Variants in KCNQ5 observed in about 807,000 individuals in gnomAD.
The protein encoded by KCNQ5 is potassium voltage-gated channel subfamily KQT member 5.
Under a neutral mutation model 98.2 loss-of-function variants are expected in KCNQ5, and 30 were observed. The observed-to-expected ratio is 0.31, with a 90% CI of 0.23 to 0.41. KCNQ5 has a LOEUF of 0.41. Ranked by LOEUF, KCNQ5 falls within the 10% of genes least tolerant of loss-of-function variation. The pLI, the probability that KCNQ5 is intolerant of heterozygous loss-of-function variation, is 1.00. For missense variants in KCNQ5, 835 were observed against 1,182.5 expected, an observed-to-expected ratio of 0.71 and a Z score of 4.31; for synonymous variants, 458 against 449.4, an observed-to-expected ratio of 1.02 and a Z score of -0.24.
At chr6:72,653,114 G>T (rs1268943395) in intron 1 of KCNQ5, among the ~76,000 whole-genome samples, 5 of 151,814 alleles carry the variant, frequency 3.3e-5, no homozygotes, top group Non-Finnish European at 7.4e-5. Flanking sequence ...TTAAAAAAGA[G>T]ACCTCTCCCT....
intron 2 of KCNQ5, among the ~76,000 whole-genome samples, chr6:73,011,730 G>A (rs1405927985): frequency 6.6e-6 from 1 of 151,882 alleles, no homozygotes; most frequent in African/African-American, 2.4e-5. Flanking sequence ...ACCTGAGAAG[G>A]GGTTAATATC....
At chr6:73,072,115 A>T (rs1263387232) in intron 3 of KCNQ5, among the ~76,000 whole-genome samples, 1 of 152,176 alleles carries the variant, frequency 6.6e-6, no homozygotes, top group African/African-American at 2.4e-5. Context: ...AAGTGAGTTT[A>T]AAGGGAAAGA....
At chr6:72,777,507 A>G (rs1277912239) in intron 1 of KCNQ5, among the ~76,000 whole-genome samples, 1 of 152,176 alleles carries the variant, frequency 6.6e-6, no homozygotes, top group African/African-American at 2.4e-5. Flanking sequence ...AATCACAAGA[A>G]GCACACATTA....
At chr6:72,754,404 A>G (rs1261629580) in intron 1 of KCNQ5, among the ~76,000 whole-genome samples, 3 of 152,084 alleles carry the variant, frequency 2.0e-5, no homozygotes, top group Non-Finnish European at 2.9e-5. Flanking sequence ...TTGATTTACT[A>G]AAGTTTTGTT....
intron 1 of KCNQ5, among the ~76,000 whole-genome samples, chr6:72,804,486 G>T (rs1774850291): frequency 6.6e-6 from 1 of 151,972 alleles, no homozygotes; most frequent in Non-Finnish European, 1.5e-5. Context: ...CATCTATGTT[G>T]TTGCAAATGA....
chr6:73,142,341 A>G (rs1776755878), intron 10 of KCNQ5, among the ~76,000 whole-genome samples: 1 of 152,106 alleles, frequency 6.6e-6, no homozygotes, highest in Admixed American at 6.5e-5. Flanking sequence ...TGTCTTTTAA[A>G]TTGCAGATTT....
At chr6:72,737,620 A>G (rs1239741707) in intron 1 of KCNQ5, among the ~76,000 whole-genome samples, 2 of 152,240 alleles carry the variant, frequency 1.3e-5, no homozygotes, top group Non-Finnish European at 1.5e-5. Flanking sequence ...TTTAGTGGAT[A>G]GAGAACTACA....
At chr6:73,142,009 A>G (rs1482238990) in intron 10 of KCNQ5, among the ~76,000 whole-genome samples, 1 of 152,168 alleles carries the variant, frequency 6.6e-6, no homozygotes, top group East Asian at 1.9e-4. Flanking sequence ...GAGAGGACCC[A>G]TTACCAAGCT....
At chr6:73,136,952 A>G (rs1018091247) in intron 10 of KCNQ5, among the ~76,000 whole-genome samples, 44 of 152,282 alleles carry the variant, frequency 2.9e-4, no homozygotes, top group Non-Finnish European at 3.4e-4. Context: ...CTCTCCTCAC[A>G]TATTTTCAGC....
At chr6:72,766,725 G>C (rs1772591262) in intron 1 of KCNQ5, among the ~76,000 whole-genome samples, 1 of 151,952 alleles carries the variant, frequency 6.6e-6, no homozygotes, top group Non-Finnish European at 1.5e-5. Context: ...ATTTGCTGGA[G>C]ATGAGAGGGA....
rs1451895527 is a variant in KCNQ5 at position 72,658,264 on chromosome 6, G to T, written c.398+35677G>T. Among the ~76,000 whole-genome samples, 5 of 151,898 alleles carry T rather than the reference G, an allele frequency of 3.3e-5. No individual in the cohort carries two copies. In the East Asian group the frequency reaches 7.7e-4, roughly 23 times the overall value. On this transcript the variant is annotated intron_variant, in intron 1 of 13. Coordinates refer to ENST00000370398, the MANE Select transcript of KCNQ5 (RefSeq NM_019842.4). ...TACTTCATTTTTGGTGATGTGTAAA[G>T]AATTTAATTTTATTTATTTTTTATT...
intron 3 of KCNQ5, among the ~76,000 whole-genome samples, chr6:73,045,261 T>C (rs1455756435): frequency 6.6e-6 from 1 of 152,220 alleles, no homozygotes; most frequent in Non-Finnish European, 1.5e-5. Context: ...TAAACAATTA[T>C]AACATAAGGG....
At chr6:72,767,103 T>A (rs1463375649) in intron 1 of KCNQ5, among the ~76,000 whole-genome samples, 1 of 151,980 alleles carries the variant, frequency 6.6e-6, no homozygotes, top group African/African-American at 2.4e-5. Flanking sequence ...TATAATTCAC[T>A]GAGTTGGGAG....
At chr6:73,085,333 C>A (rs1161684853) in intron 5 of KCNQ5, among the ~76,000 whole-genome samples, 2 of 152,092 alleles carry the variant, frequency 1.3e-5, no homozygotes, top group Non-Finnish European at 2.9e-5. Flanking sequence ...CATGCACGCT[C>A]CAGGCAAAAA....
At chr6:72,876,317 T>C (rs1023424824) in intron 1 of KCNQ5, among the ~76,000 whole-genome samples, 2 of 152,268 alleles carry the variant, frequency 1.3e-5, no homozygotes, top group South Asian at 4.1e-4. Flanking sequence ...TGAAAATATC[T>C]AAAGAAAAAT....
intron 1 of KCNQ5, among the ~76,000 whole-genome samples, chr6:72,808,415 A>G (rs1309435351): frequency 6.6e-6 from 1 of 152,152 alleles, no homozygotes; most frequent in Non-Finnish European, 1.5e-5. Context: ...GAATACAAGG[A>G]GTTGTTCTGT....
At chr6:72,868,729 A>C (rs4566854) in intron 1 of KCNQ5, among the ~76,000 whole-genome samples, 77 of 152,236 alleles carry the variant, frequency 5.1e-4, no homozygotes, top group African/African-American at 1.8e-3. Flanking sequence ...ATGGCAGTCT[A>C]CATGGTAGCT....
chr6:72,771,373 C>T (rs1301144410), intron 1 of KCNQ5, among the ~76,000 whole-genome samples: 3 of 152,034 alleles, frequency 2.0e-5, no homozygotes, highest in African/African-American at 7.2e-5. Flanking sequence ...GATGTTCAAC[C>T]TATTAGGCAA....
At chr6:72,762,428 T>C (rs989715373) in intron 1 of KCNQ5, among the ~76,000 whole-genome samples, 5 of 151,032 alleles carry the variant, frequency 3.3e-5, no homozygotes, top group Non-Finnish European at 7.4e-5. Flanking sequence ...AAAAAAAAAA[T>C]AGAATACGTT....
Sources: gnomAD v4.1 joint callset for allele counts (sites outside exome capture counted in the v4.1 genomes callset) on GRCh38, gnomAD v4.1.1 for gene constraint, MANE v1.5 for transcripts, NCBI Gene and HGNC (gene_info 2026-07-23, HGNC 2026-07-21) for gene names.